Variants in PTPRG observed in about 807,000 individuals in gnomAD.
PTPRG encodes receptor-type tyrosine-protein phosphatase gamma.
PTPRG carries 102 observed loss-of-function variants against 165.3 expected under a neutral mutation model. The ratio of observed to expected loss-of-function variants is 0.62; its 90% CI spans 0.53 to 0.73. The LOEUF is 0.73. Among genes scored for constraint, PTPRG ranks in the 30% least tolerant of loss-of-function variants. The probability of loss-of-function intolerance (pLI) is 0.00; values close to 1 mark genes in which losing one functional copy is unlikely to be tolerated. For synonymous variants in PTPRG, 675 were observed against 669.5 expected (o/e 1.01, Z -0.13); for missense variants, 1,866 against 1,861.4 (o/e 1.00, Z -0.05).
chr3:62,034,533 A>G (rs947441939), intron 4 of PTPRG, among the ~76,000 whole-genome samples: 1 of 152,220 alleles, frequency 6.6e-6, no homozygotes. Flanking sequence ...GTCTGTTGGT[A>G]GAATGTCTTT....
intron 2 of PTPRG, among the ~76,000 whole-genome samples, chr3:61,791,959 G>C (rs946905500): frequency 6.6e-6 from 1 of 152,168 alleles, no homozygotes; most frequent in Non-Finnish European, 1.5e-5. Flanking sequence ...AGTTTTAAGA[G>C]AAATGGAAGG....
chr3:62,197,693 A>G (rs993829617), intron 10 of PTPRG, among the ~76,000 whole-genome samples: 2 of 152,222 alleles, frequency 1.3e-5, no homozygotes, highest in African/African-American at 4.8e-5. Context: ...CCAAGAGCCT[A>G]GAATCTGCAG....
intron 1 of PTPRG, among the ~76,000 whole-genome samples, chr3:61,593,797 A>G (rs1700632373): frequency 6.6e-6 from 1 of 152,064 alleles, no homozygotes; most frequent in Non-Finnish European, 1.5e-5. Flanking sequence ...TTGAAAAGTA[A>G]TATTTTGTTG....
intron 2 of PTPRG, among the ~76,000 whole-genome samples, chr3:61,751,683 A>G (rs2033435122): frequency 6.6e-6 from 1 of 152,196 alleles, no homozygotes. Flanking sequence ...ATTCAGTGAG[A>G]TGATATTTGT....
At chr3:62,035,247 A>T (rs915966536) in intron 4 of PTPRG, among the ~76,000 whole-genome samples, 17 of 152,254 alleles carry the variant, frequency 1.1e-4, no homozygotes, top group African/African-American at 4.1e-4. Context: ...ATTCATGGTC[A>T]TCAGGCAGGG....
intron 1 of PTPRG, among the ~76,000 whole-genome samples, chr3:61,659,867 A>C (rs1204493351): frequency 6.6e-6 from 1 of 152,222 alleles, no homozygotes. Context: ...TTTTTTAAAT[A>C]AGGAAAACTA....
chr3:62,020,136 G>T (rs2041654168), intron 4 of PTPRG, among the ~76,000 whole-genome samples: 1 of 152,066 alleles, frequency 6.6e-6, no homozygotes, highest in Non-Finnish European at 1.5e-5. Flanking sequence ...AGGGTAGGGG[G>T]AGATGAAAAC....
intron 14 of PTPRG, among the ~76,000 whole-genome samples, chr3:62,231,691 A>G (rs1342987673): frequency 6.6e-6 from 1 of 152,166 alleles, no homozygotes; most frequent in Non-Finnish European, 1.5e-5. Context: ...ATGCATGCAT[A>G]TAGCCTTATG....
rs575782498 is a variant in PTPRG at position 61,624,845 on chromosome 3, G to A, written c.85+62473G>A. Among the ~76,000 whole-genome samples, 3 of 152,178 alleles carry A rather than the reference G, an allele frequency of 2.0e-5. No homozygotes were observed. The East Asian group carries it at 5.8e-4, about 29-fold the overall frequency. On this transcript the variant is annotated intron_variant, in intron 1 of 29. Coordinates refer to ENST00000474889, the MANE Select transcript of PTPRG (RefSeq NM_002841.4). ...TATAGGGATGTGTATTTATTTGCTA[G>A]GGTTGTCATAACAAAGGACCACAAA...
chr3:62,078,327 C>T (rs1446329210), intron 5 of PTPRG, 69 bp downstream of exon 5: 10 of 1,114,828 alleles, frequency 9.0e-6, no homozygotes, highest in African/African-American at 4.8e-5. Context: ...CCGAATTGTT[C>T]CATGTTTAAT....
chr3:62,020,382 A>G (rs116416811), intron 4 of PTPRG, among the ~76,000 whole-genome samples: 1,757 of 152,314 alleles, frequency 0.012, 33 homozygotes, highest in African/African-American at 0.04. Flanking sequence ...TTATTTTTGT[A>G]AGCTAGAACA....
At chr3:61,817,170 AT>A (rs1459288483) in intron 2 of PTPRG, among the ~76,000 whole-genome samples, 5 of 77,842 alleles carry the variant, frequency 6.4e-5, no homozygotes, top group African/African-American at 2.3e-4. Flanking sequence ...ATAATATATA[AT>A]AATATATAAT....
At chr3:62,227,449 C>T (rs1700788294) in intron 13 of PTPRG, among the ~76,000 whole-genome samples, 1 of 152,164 alleles carries the variant, frequency 6.6e-6, no homozygotes, top group Non-Finnish European at 1.5e-5. Flanking sequence ...ACAAAGAACA[C>T]CTTATGTTAT....
chr3:62,200,763 G>C (rs768072542), intron 10 of PTPRG, among the ~76,000 whole-genome samples: 5 of 152,150 alleles, frequency 3.3e-5, no homozygotes, highest in Non-Finnish European at 5.9e-5. Flanking sequence ...TAGCTTACAG[G>C]ATTTTAAAAT....
At chr3:61,873,417 A>T (rs1456144092) in intron 2 of PTPRG, among the ~76,000 whole-genome samples, 1 of 152,226 alleles carries the variant, frequency 6.6e-6, no homozygotes, top group African/African-American at 2.4e-5. Flanking sequence ...ATATGAAATC[A>T]TATTTTAAAT....
At chr3:62,137,360 C>T (rs765349951) in intron 6 of PTPRG, among the ~76,000 whole-genome samples, 37 of 152,050 alleles carry the variant, frequency 2.4e-4, no homozygotes, top group African/African-American at 8.2e-4. Context: ...GTTTGTGAAT[C>T]GGTGTAAAAA....
intron 1 of PTPRG, among the ~76,000 whole-genome samples, chr3:61,672,201 T>G: frequency 1.9e-5 from 2 of 106,796 alleles, no homozygotes; most frequent in African/African-American, 3.7e-5. Context: ...CTAGATGGGA[T>G]GGCGGCCGGG....
At chr3:61,933,066 G>C (rs943886057) in intron 2 of PTPRG, among the ~76,000 whole-genome samples, 1 of 152,152 alleles carries the variant, frequency 6.6e-6, no homozygotes, top group Non-Finnish European at 1.5e-5. Context: ...CCTCTGCTGC[G>C]ATCCTGTGAT....
intron 4 of PTPRG, among the ~76,000 whole-genome samples, chr3:62,008,760 T>C (rs979465320): frequency 6.6e-6 from 1 of 152,182 alleles, no homozygotes; most frequent in Non-Finnish European, 1.5e-5. Context: ...AAAAGGAGCA[T>C]GCAGCCTAGA....
Sources: gnomAD v4.1 joint callset for allele counts (sites outside exome capture counted in the v4.1 genomes callset) on GRCh38, gnomAD v4.1.1 for gene constraint, MANE v1.5 for transcripts, NCBI Gene and HGNC (gene_info 2026-07-23, HGNC 2026-07-21) for gene names.